PRPF8: variants seen among roughly 807,000 people sequenced by gnomAD.
PRPF8 encodes pre-mRNA processing factor 8.
Under a neutral mutation model 285.9 loss-of-function variants are expected in PRPF8, and 64 were observed. That is an observed-to-expected ratio of 0.22 (90% CI 0.18 to 0.28). The LOEUF (loss-of-function observed/expected upper bound fraction) is 0.28, where lower values mean the gene tolerates loss of function less well. PRPF8 is among the 10% of genes least tolerant of loss of function. The pLI, the probability that PRPF8 is intolerant of heterozygous loss-of-function variation, is 1.00. For synonymous variants in PRPF8, 1,325 were observed against 1,118.2 expected (o/e 1.18, Z -3.69); for missense variants, 1,426 against 3,026.7 (o/e 0.47, Z 12.41).
Position 1,679,408 on chromosome 17 carries a change from T to C in PRPF8, c.1292A>G (p.Tyr431Cys), listed in dbSNP as rs1912783197. Reference protein sequence around the residue: ...ALDIPLVKNWYREHCPAGQPV... With the variant: ...ALDIPLVKNWCREHCPAGQPV... ...CTGCCCGGCAGGACAATGCTCCCGA[T>C]ACCTGGAAAAATAAGCCCACCAGAG... The change falls in exon 10 of 43, where the codon TAT becomes TGT. Residue 431 changes from tyrosine (Y) to cysteine (C), a missense_variant and splice_region_variant. Around this residue, in one of 34 missense-constraint regions of PRPF8, gnomAD observed 137 missense variants for 161.2 expected, o/e 0.85. Transcript: ENST00000304992. The surrounding 1 kb of genome is among the most constrained non-coding windows in gnomAD (Gnocchi z 4.7). The C allele has an allele frequency of 6.2e-7, 1 of 1,612,336 alleles. No individual in the cohort carries two copies. The highest frequency in any genetic ancestry group is 8.5e-7 in the Non-Finnish European group (1 of 1,179,974).
intron 24 of PRPF8, chr17:1,672,799 G>A: frequency 3.7e-6 from 2 of 540,504 alleles, no homozygotes; most frequent in East Asian, 6.4e-5. Flanking sequence ...CAAAAATAAT[G>A]CTTTTCTGTT....
In PRPF8 at chr17:1,653,468, C is replaced by A. The variant is rs1911191989; in HGVS notation, c.6369+74G>T. The A allele has an allele frequency of 1.3e-6, 2 of 1,580,486 alleles. No homozygotes were observed. On this transcript the variant is annotated intron_variant, in intron 39 of 42. Transcript: ENST00000304992. This position sits in a 1 kb window ranked among gnomAD's most constrained non-coding sequence, Gnocchi z 4.9. ...TGAAACCAGCATCTCAAGTTCCAGACAATCTCAGGTCTGAGTTTTAGGCAC... is the reference window on the plus strand; with the variant it reads ...TGAAACCAGCATCTCAAGTTCCAGAAAATCTCAGGTCTGAGTTTTAGGCAC...
At position 1,677,255 on chromosome 17, in the gene PRPF8, T is replaced by C; in HGVS notation, c.1985-83A>G. On this transcript the variant is annotated intron_variant, in intron 14 of 42. Transcript: ENST00000304992. ...TCTCTACCTTCATGCTCCTCACTCATTATGGTTATTAATAAAATTAGGTAT... is the reference window on the plus strand; with the variant it reads ...TCTCTACCTTCATGCTCCTCACTCACTATGGTTATTAATAAAATTAGGTAT... The C allele has an allele frequency of 2.3e-6, 3 of 1,329,606 alleles. No individual in the cohort carries two copies. In the East Asian group the frequency reaches 6.9e-5, roughly 31 times the overall value. 82.4% of individuals were successfully genotyped at this position (1,329,606 alleles called of 1,614,324 possible).
intron 24 of PRPF8, among the ~76,000 whole-genome samples, chr17:1,662,667 C>T (rs550026161): frequency 6.6e-6 from 1 of 150,890 alleles, no homozygotes; most frequent in Non-Finnish European, 1.5e-5. Context: ...TTTGGGAGGC[C>T]GAGGTGGGTG....
At chr17:1,677,957 C>T in intron 13 of PRPF8, among the ~76,000 whole-genome samples, 1 of 152,096 alleles carries the variant, frequency 6.6e-6, no homozygotes, top group East Asian at 1.9e-4. Context: ...CATAGCTGCT[C>T]TCCAAATAGG....
At chr17:1,669,611 C>CT (rs1357227033) in intron 24 of PRPF8, among the ~76,000 whole-genome samples, 4 of 152,258 alleles carry the variant, frequency 2.6e-5, no homozygotes, top group African/African-American at 9.6e-5. Flanking sequence ...CCACTGCCAT[C>CT]TGGCTTCCAT....
rs1023681172 is a variant in PRPF8, at chr17:1,681,708, G to C, written c.654-18C>G. 3.7e-6 allele frequency: 6 copies of C among 1,613,056 alleles called. No homozygotes were observed. Among genetic ancestry groups the C allele is most frequent in the African/African-American group, 1.3e-5 (1 of 74,836 alleles). On this transcript the variant is annotated intron_variant, in intron 5 of 42. Transcript: ENST00000304992. ...TTACATACCTAGGTAAAAAATGAAA[G>C]GCCCACCTCAAGTAAGCAGCTAGAC...
Position 1,677,646 on chromosome 17 carries a change from G to A in PRPF8, c.1903C>T (p.Arg635Ter). 1 of 1,613,840 alleles carries A rather than the reference G, an allele frequency of 6.2e-7. No individual in the cohort carries two copies. Among genetic ancestry groups the A allele is most frequent in the Non-Finnish European group, 8.5e-7 (1 of 1,180,002 alleles). ...PGCGFWAAGW[R>*]VWLFFMRGIT... Reference sequence around the variant, plus strand: ...CCACGCATGAAAAAGAGCCAGACTCGCCAACCGGCAGCCCAGAAGCCACAG... The same window carrying A: ...CCACGCATGAAAAAGAGCCAGACTCACCAACCGGCAGCCCAGAAGCCACAG... The change falls in exon 14 of 43, where the codon CGA (arginine) becomes TGA (stop). Residue 635 changes from arginine to a stop codon, truncating the protein, a stop_gained. Coordinates refer to ENST00000304992, the MANE Select transcript of PRPF8 (RefSeq NM_006445.4). LOFTEE classifies it high-confidence loss of function.
chr17:1,673,181 G>A lies in PRPF8; in HGVS notation c.3674C>T (p.Thr1225Ile). The A allele has an allele frequency of 6.2e-7, 1 of 1,614,224 alleles. No individual in the cohort carries two copies. The highest frequency in any genetic ancestry group is 1.3e-5 in the African/African-American group (1 of 75,056). The stretch of plus-strand genomic sequence containing the variant: ...GTCCACACGCAGGAAACACTGAGCT[G>A]TGCGCTCCTTAGTAACCTAAACCAC... ...NLQNEVTKER[T>I]AQCFLRVDDE... The change falls in exon 24 of 43, where the codon ACA becomes ATA. Residue 1225 changes from threonine (T) to isoleucine (I), a missense_variant. Thr to Ile is a moderately conservative substitution (Grantham distance 89, BLOSUM62 -1). Coordinates refer to ENST00000304992, the MANE Select transcript of PRPF8 (RefSeq NM_006445.4). The surrounding 1 kb of genome is among the most constrained non-coding windows in gnomAD (Gnocchi z 5.5).
chr17:1,659,108 C>CT lies in PRPF8; in HGVS notation c.5138+248dup. 1 of 624,116 alleles carries CT rather than the reference C, an allele frequency of 1.6e-6. No homozygotes were observed. The highest frequency in any genetic ancestry group is 1.8e-5 in the South Asian group (1 of 54,126). The allele number at this position is 624,116 out of a possible 1,614,324, so 38.7% of individuals were successfully genotyped here. A position where few individuals can be genotyped will look rare whatever the true frequency, so the allele number is the denominator to read the frequency against. Reference sequence around the variant, plus strand: ...TGGCGCAATCTCGGTTCACTGCAAGCTCCGCCTCCCGGGTTCAAGTAATTC... The same window carrying CT: ...TGGCGCAATCTCGGTTCACTGCAAGCTTCCGCCTCCCGGGTTCAAGTAATTC... On this transcript the variant is annotated intron_variant, in intron 32 of 42. Transcript: ENST00000304992. This position sits in a 1 kb window ranked among gnomAD's most constrained non-coding sequence, Gnocchi z 5.1.
At chr17:1,681,796 G>A in intron 5 of PRPF8, 24 bp downstream of exon 5, 5 of 1,613,108 alleles carry the variant, frequency 3.1e-6, no homozygotes, top group African/African-American at 1.3e-5. Context: ...CCTCCCAGGT[G>A]TAGTATCTCC....
intron 24 of PRPF8, among the ~76,000 whole-genome samples, chr17:1,665,575 GGCTCAC>G (rs2151119426): frequency 6.6e-6 from 1 of 151,448 alleles, no homozygotes; most frequent in Admixed American, 6.6e-5. Flanking sequence ...TGGGCACGGT[GGCTCAC>G]GCCTGTAATC....
intron 30 of PRPF8, 45 bp from the exon 31 acceptor site, chr17:1,660,046 A>ATT: frequency 6.3e-7 from 1 of 1,591,956 alleles, no homozygotes; most frequent in Non-Finnish European, 8.6e-7. Context: ...AGGAAGCCCA[A>ATT]TTAAAATCAG....
intron 34 of PRPF8, 134 bp from the exon 35 acceptor site, chr17:1,656,895 AG>A: frequency 1.2e-6 from 1 of 849,648 alleles, no homozygotes. Flanking sequence ...GGCACTTAGA[AG>A]GTACAAAGAG....
chr17:1,672,425 G>A (rs1364214566), intron 24 of PRPF8, among the ~76,000 whole-genome samples: 16 of 152,208 alleles, frequency 1.1e-4, no homozygotes, highest in Non-Finnish European at 1.2e-4. Flanking sequence ...GATTACAGGC[G>A]CCGGCCACCA....
rs1911560215 is a variant in PRPF8, at chr17:1,659,257, C to G, written c.5138+100G>C. On this transcript the variant is annotated intron_variant, in intron 32 of 42. Coordinates refer to ENST00000304992, the MANE Select transcript of PRPF8 (RefSeq NM_006445.4). This position sits in a 1 kb window ranked among gnomAD's most constrained non-coding sequence, Gnocchi z 5.1. ...CCCAGACTGGTCTCAAACTCCTGAG[C>G]TCAGACAATCTGCCCACCGCGGCCT... 7.4e-7 allele frequency: 1 copy of G among 1,358,218 alleles called. No individual in the cohort carries two copies. Among genetic ancestry groups the G allele is most frequent in the African/African-American group, 1.4e-5 (1 of 69,954 alleles). The allele number at this position is 1,358,218 out of a possible 1,614,324, so 84.1% of individuals were successfully genotyped here. A position where few individuals can be genotyped will look rare whatever the true frequency, so the allele number is the denominator to read the frequency against.
At chr17:1,656,906 GTA>G in intron 34 of PRPF8, 145 bp from the exon 35 acceptor site, 4 of 803,430 alleles carry the variant, frequency 5.0e-6, no homozygotes, top group Non-Finnish European at 6.2e-6. Context: ...GGTACAAAGA[GTA>G]TCAAATGGCC....
intron 6 of PRPF8, 73 bp downstream of exon 6, chr17:1,681,405 T>C (rs1180123847): frequency 6.8e-7 from 1 of 1,463,356 alleles, no homozygotes; most frequent in African/African-American, 1.4e-5. Flanking sequence ...GGAAGTTATA[T>C]CAGGACTTTA....
chr17:1,677,422 C>G (rs1912662415), intron 14 of PRPF8, 143 bp downstream of exon 14: 4 of 1,270,186 alleles, frequency 3.1e-6, no homozygotes, highest in Non-Finnish European at 4.6e-6. Flanking sequence ...AAATAGAATA[C>G]TAGGTCAGAC....
Sources: allele counts gnomAD v4.1 joint callset (sites outside exome capture counted in the v4.1 genomes callset), GRCh38; gene constraint gnomAD v4.1.1; regional missense constraint gnomAD v4.1.1; non-coding constraint Gnocchi (gnomAD v3.1); transcripts MANE v1.5; gene names NCBI Gene and HGNC (gene_info 2026-07-23, HGNC 2026-07-21).